SPG7: variants seen among roughly 807,000 people sequenced by gnomAD.
SPG7 encodes the protein mitochondrial inner membrane m-AAA protease component paraplegin.
SPG7 carries 103 observed loss-of-function variants against 81.9 expected under a neutral mutation model. The ratio of observed to expected loss-of-function variants is 1.26; its 90% confidence interval spans 1.07 to 1.48. The LOEUF (loss-of-function observed/expected upper bound fraction) is 1.48, where lower values mean the gene tolerates loss of function less well. Ranked by LOEUF, SPG7 falls within the 40% of genes most tolerant of loss-of-function variation. SPG7 has a pLI of 0.00. For synonymous variants in SPG7, 534 were observed against 444.2 expected (o/e 1.20, Z -2.54); for missense variants, 1,241 against 1,087.3 (o/e 1.14, Z -1.99).
At chr16:89,554,964 G>A (rs2058672173) in intron 16 of SPG7, 1 of 233,130 alleles carries the variant, frequency 4.3e-6, no homozygotes, top group African/African-American at 2.3e-5. Flanking sequence ...CACCCAGGCT[G>A]GAGTGCGATG....
chr16:89,516,328 G>T (rs771369310), intron 3 of SPG7, among the ~76,000 whole-genome samples: 1 of 151,798 alleles, frequency 6.6e-6, no homozygotes, highest in Non-Finnish European at 1.5e-5. Flanking sequence ...GATCACTTGG[G>T]GCCAGGAGTT....
intron 3 of SPG7, chr16:89,523,628 C>G: frequency 2.2e-6 from 1 of 455,318 alleles, no homozygotes; most frequent in South Asian, 1.6e-5. Flanking sequence ...GTCACCCAGG[C>G]TGGAGCACAG....
At chr16:89,555,897 G>T (rs960932128) in intron 16 of SPG7, 7 of 398,670 alleles carry the variant, frequency 1.8e-5, no homozygotes, top group African/African-American at 1.4e-4. Flanking sequence ...TGTGTCACGT[G>T]GGGATCGTGT....
At chr16:89,510,372 A>G (rs1446509813) in intron 1 of SPG7, 118 bp from the exon 2 acceptor site, 10 of 685,026 alleles carry the variant, frequency 1.5e-5, no homozygotes, top group African/African-American at 1.3e-4. Flanking sequence ...TTTCAGGGCA[A>G]TGTAGATATT....
At chr16:89,531,660 C>T (rs1217670491) in intron 7 of SPG7, 3 of 527,396 alleles carry the variant, frequency 5.7e-6, no homozygotes, top group Admixed American at 3.1e-5. Flanking sequence ...AGGTGTGAGC[C>T]ACCGCACCTG....
At position 89,529,278 on chromosome 16, in the gene SPG7, CT is replaced by C. The variant is rs1332569935; in HGVS notation, c.759-196del. On this transcript the variant is annotated intron_variant, in intron 5 of 16. Coordinates refer to ENST00000645818, the MANE Select transcript of SPG7 (RefSeq NM_003119.4). ...ACACTCAGTCTGACCATTTGGGAAG[CT>C]TTCATGAAAAAGCACAGTCAGCGAG... The C allele has an allele frequency of 8.0e-6, 5 of 623,520 alleles. No individual in the cohort carries two copies. In the Admixed American group the frequency reaches 9.6e-5, roughly 12 times the overall value. 38.6% of individuals were successfully genotyped at this position (623,520 alleles called of 1,614,324 possible).
At chr16:89,556,547 T>C (rs1186540521) in intron 16 of SPG7, 2 of 383,902 alleles carry the variant, frequency 5.2e-6, no homozygotes, top group Non-Finnish European at 9.7e-6. Context: ...CCAGTGCTGC[T>C]CTCCTCAATC....
chr16:89,554,637 T>C (rs781113761), intron 16 of SPG7, 74 bp downstream of exon 16: 3 of 981,732 alleles, frequency 3.1e-6, no homozygotes, highest in East Asian at 2.5e-5. Context: ...CCCACCCCTC[T>C]CGTGAAGTAT....
At chr16:89,512,052 C>A (rs1431985444) in intron 2 of SPG7, among the ~76,000 whole-genome samples, 1 of 151,990 alleles carries the variant, frequency 6.6e-6, no homozygotes, top group Non-Finnish European at 1.5e-5. Flanking sequence ...GCTGGGATTA[C>A]AGGTGCCCGC....
At chr16:89,523,393 T>G in intron 3 of SPG7, 1 of 308,850 alleles carries the variant, frequency 3.2e-6, no homozygotes, top group Non-Finnish European at 6.4e-6. Flanking sequence ...TCAGTGGGAT[T>G]GGGAAGGTAT....
chr16:89,540,733 CGT>C (rs1178671036), intron 9 of SPG7: 8 of 244,310 alleles, frequency 3.3e-5, no homozygotes, highest in African/African-American at 4.6e-5. Context: ...AAAAACTAAA[CGT>C]GTGCTCACCA....
intron 16 of SPG7, chr16:89,556,296 G>A (rs1227941324): frequency 2.5e-6 from 1 of 392,750 alleles, no homozygotes; most frequent in East Asian, 3.6e-5. Flanking sequence ...GAGGAAAGGA[G>A]CAGGTAATTA....
At position 89,553,130 on chromosome 16, in the gene SPG7, C is replaced by T. The variant is rs758702550; in HGVS notation, c.1931C>T (p.Thr644Ile). Residue 644 changes from threonine (T) to isoleucine (I), a missense_variant, in exon 14 of 17, where the codon ACT becomes ATT. Thr to Ile is a moderately conservative substitution (Grantham distance 89). Transcript: ENST00000645818. ...GAAGCACTGTCCTTCAACGAGGTCACTTCTGGTGAGGAGCAGCGGCGCGGG... is the reference window on the plus strand; with the variant it reads ...GAAGCACTGTCCTTCAACGAGGTCATTTCTGGTGAGGAGCAGCGGCGCGGG... ...ASEALSFNEV[T>I]SGAQDDLRKV... The T allele has an allele frequency of 6.2e-7, 1 of 1,607,382 alleles. No individual in the cohort carries two copies. Among genetic ancestry groups the T allele is most frequent in the Non-Finnish European group, 8.5e-7 (1 of 1,177,008 alleles).
intron 9 of SPG7, chr16:89,536,646 TGGGCGAGGCAGGCGAGGCGGGTGAGATCG>T: frequency 8.6e-7 from 1 of 1,169,030 alleles, no homozygotes; most frequent in Non-Finnish European, 1.2e-6. Context: ...GCGGGCGAGG[TGGGCGAGGCAGGCGAGGCGGGTGAGATCG>T]GGCGAGGCGG....
At chr16:89,551,171 A>C (rs2058630390) in intron 13 of SPG7, 1 of 182,762 alleles carries the variant, frequency 5.5e-6, no homozygotes. Flanking sequence ...TGGCTCCACC[A>C]CCGGGAGTCC....
At chr16:89,512,192 T>G (rs1057162235) in intron 2 of SPG7, among the ~76,000 whole-genome samples, 4 of 152,092 alleles carry the variant, frequency 2.6e-5, no homozygotes, top group African/African-American at 9.6e-5. Context: ...ATTACAGGCG[T>G]GCGCCACTGC....
intron 9 of SPG7, chr16:89,538,615 G>A (rs1318952777): frequency 6.6e-6 from 1 of 152,654 alleles, no homozygotes; most frequent in Non-Finnish European, 1.5e-5. Flanking sequence ...TCTGCCCTCT[G>A]TCCTCTCAGA....
intron 1 of SPG7, chr16:89,509,121 C>T (rs2057976726): frequency 2.7e-6 from 1 of 375,208 alleles, no homozygotes; most frequent in East Asian, 7.4e-5. Context: ...GTAGTGCGGC[C>T]TTGTTTCAGG....
chr16:89,529,637 T>C, intron 6 of SPG7, 58 bp downstream of exon 6: 1 of 1,290,722 alleles, frequency 7.7e-7, no homozygotes, highest in Non-Finnish European at 1.1e-6. Flanking sequence ...TGCTGAATAC[T>C]TTTCCCATAA....
Sources: gnomAD v4.1 joint callset for allele counts (sites outside exome capture counted in the v4.1 genomes callset) on GRCh38, gnomAD v4.1.1 for gene constraint, MANE v1.5 for transcripts, NCBI Gene and HGNC (gene_info 2026-07-23, HGNC 2026-07-21) for gene names.